The following VWA8 variants were observed in gnomAD, a reference collection of about 807,000 sequenced individuals.
The protein encoded by VWA8 is von Willebrand factor A domain-containing protein 8.
A neutral mutation model predicts 241.5 loss-of-function variants in VWA8; 221 were observed. That is an observed-to-expected ratio of 0.91 (90% CI 0.82 to 1.02). The LOEUF is 1.02. Ranked by LOEUF, VWA8 falls within the 50% of genes least tolerant of loss-of-function variation. The pLI, the probability that VWA8 is intolerant of heterozygous loss-of-function variation, is 0.00. For missense variants in VWA8, 2,322 were observed against 2,328.7 expected (o/e 1.00, Z 0.06); for synonymous variants, 852 against 827.1 (o/e 1.03, Z -0.52).
intron 37 of VWA8, among the ~76,000 whole-genome samples, chr13:41,665,611 T>C (rs34041830): frequency 0.017 from 2,587 of 151,902 alleles, 21 homozygotes; most frequent in South Asian, 0.047. Context: ...AGTGTATACC[T>C]AACGAGCTCA....
In VWA8 at chr13:41,742,151, G is replaced by A. The variant is rs146514840; in HGVS notation, c.2427-9996C>T. ...GTACAGTCCTCGTTGCCATTTTGGA[G>A]TCTGACTTTCATTTCATGGAAAATA... is the stretch of plus-strand genomic sequence containing the variant. On this transcript the variant is annotated intron_variant, in intron 21 of 44. Coordinates refer to ENST00000379310, the MANE Select transcript of VWA8 (RefSeq NM_015058.2). 6.2e-4 allele frequency among the ~76,000 whole-genome samples: 95 copies of A among 152,280 alleles called. No individual in the cohort carries two copies. The Middle Eastern group carries it at 0.01, about 16-fold the overall frequency.
intron 2 of VWA8, among the ~76,000 whole-genome samples, chr13:41,920,086 T>A (rs1334388605): frequency 6.6e-6 from 1 of 152,182 alleles, no homozygotes; most frequent in East Asian, 1.9e-4. Flanking sequence ...CCTTGCCATT[T>A]CTGGGTTCTT....
intron 9 of VWA8, among the ~76,000 whole-genome samples, chr13:41,868,785 G>A (rs979321457): frequency 6.0e-5 from 9 of 150,760 alleles, no homozygotes; most frequent in Non-Finnish European, 2.9e-5. Context: ...CTACTCGGGA[G>A]GCTGAGGCAA....
rs747976013 is a variant in VWA8 at position 41,729,535 on chromosome 13, TACTC to T, written c.2638+3_2638+6del. 26 of 1,606,812 alleles carry T rather than the reference TACTC, an allele frequency of 1.6e-5. No homozygotes were observed. The highest frequency in any genetic ancestry group is 2.2e-5 in the East Asian group (1 of 44,690). ...TTAAAGGAAACATTGCTTTCTAAAA[TACTC>T]ACTTGCAACAATGCGTCTTCCATCT... is the stretch of plus-strand genomic sequence containing the variant. On this transcript the variant is annotated splice_donor_5th_base_variant and intron_variant, in intron 23 of 44. Coordinates refer to ENST00000379310, the MANE Select transcript of VWA8 (RefSeq NM_015058.2).
At chr13:41,899,509 A>G (rs1466213364) in intron 4 of VWA8, among the ~76,000 whole-genome samples, 2 of 152,224 alleles carry the variant, frequency 1.3e-5, no homozygotes, top group Non-Finnish European at 2.9e-5. Flanking sequence ...AAAAGGAGAA[A>G]ATCTTGAGAA....
At chr13:41,678,710 C>A (rs552289853) in intron 35 of VWA8, among the ~76,000 whole-genome samples, 2 of 152,020 alleles carry the variant, frequency 1.3e-5, no homozygotes, top group Admixed American at 1.3e-4. Flanking sequence ...TCTTTCTTTT[C>A]TTTTACTTTG....
At chr13:41,770,170 G>T (rs989039826) in intron 20 of VWA8, among the ~76,000 whole-genome samples, 1 of 151,988 alleles carries the variant, frequency 6.6e-6, no homozygotes, top group East Asian at 1.9e-4. Context: ...GTTTGAGGCC[G>T]GGCGCGGTGG....
intron 4 of VWA8, among the ~76,000 whole-genome samples, chr13:41,895,533 C>T (rs1240029132): frequency 2.0e-5 from 3 of 152,154 alleles, no homozygotes; most frequent in African/African-American, 7.2e-5. Flanking sequence ...TACAGCAGTG[C>T]AATCTGCCTC....
intron 2 of VWA8, among the ~76,000 whole-genome samples, chr13:41,919,438 C>T (rs566810369): frequency 6.6e-6 from 1 of 152,304 alleles, no homozygotes; most frequent in African/African-American, 2.4e-5. Flanking sequence ...TGCCTTACCC[C>T]AGTCCCCTGC....
chr13:41,842,571 A>G (rs1872107131), intron 12 of VWA8, among the ~76,000 whole-genome samples: 1 of 152,246 alleles, frequency 6.6e-6, no homozygotes, highest in Non-Finnish European at 1.5e-5. Context: ...CTATGAACAC[A>G]GAATAAATTT....
chr13:41,747,941 G>A (rs1243315455), intron 21 of VWA8, among the ~76,000 whole-genome samples: 9 of 152,226 alleles, frequency 5.9e-5, no homozygotes, highest in African/African-American at 2.2e-4. Context: ...CATTCCAGGG[G>A]TGAAGCCCAC....
chr13:41,671,716 ATGTGGTCTCTGCC>A (rs2045025729), intron 36 of VWA8, among the ~76,000 whole-genome samples: 1 of 152,066 alleles, frequency 6.6e-6, no homozygotes, highest in Non-Finnish European at 1.5e-5. Flanking sequence ...TTGCACTTGC[ATGTGGTCTCTGCC>A]TGTTTCCCTT....
intron 2 of VWA8, among the ~76,000 whole-genome samples, chr13:41,923,180 C>T (rs910670522): frequency 6.6e-6 from 1 of 152,180 alleles, no homozygotes; most frequent in Non-Finnish European, 1.5e-5. Flanking sequence ...CAAACTACCA[C>T]AAGGACAGAA....
chr13:41,641,180 T>C (rs1053923285), intron 37 of VWA8, among the ~76,000 whole-genome samples: 1 of 152,154 alleles, frequency 6.6e-6, no homozygotes, highest in African/African-American at 2.4e-5. Context: ...AGGATAGTTA[T>C]GTTGTCTGTG....
intron 37 of VWA8, among the ~76,000 whole-genome samples, chr13:41,661,454 C>T (rs991236625): frequency 4.6e-5 from 7 of 152,148 alleles, no homozygotes; most frequent in South Asian, 2.1e-4. Context: ...CATTGTAGAA[C>T]TACTAACTCT....
At chr13:41,598,672 A>G (rs1219411098) in intron 40 of VWA8, among the ~76,000 whole-genome samples, 1 of 152,074 alleles carries the variant, frequency 6.6e-6, no homozygotes, top group Admixed American at 6.6e-5. Flanking sequence ...TTGGCTGTGC[A>G]CAGAATTCTT....
intron 2 of VWA8, among the ~76,000 whole-genome samples, chr13:41,919,404 C>A (rs540230626): frequency 2.8e-4 from 42 of 152,176 alleles, no homozygotes; most frequent in Admixed American, 4.6e-4. Flanking sequence ...TTCTGTGCTA[C>A]TCCCAGAGAA....
chr13:41,887,075 A>G (rs1359167886), intron 6 of VWA8, 122 bp downstream of exon 6: 13 of 1,185,666 alleles, frequency 1.1e-5, no homozygotes, highest in Non-Finnish European at 1.5e-5. Flanking sequence ...CTTTATTCTC[A>G]TATCTTTCCA....
chr13:41,929,774 T>C (rs1355755930), intron 2 of VWA8, among the ~76,000 whole-genome samples: 2 of 152,170 alleles, frequency 1.3e-5, no homozygotes, highest in African/African-American at 4.8e-5. Flanking sequence ...ATGTAAGACC[T>C]GAAATATAAA....
Sources: allele counts gnomAD v4.1 joint callset (sites outside exome capture counted in the v4.1 genomes callset), GRCh38; gene constraint gnomAD v4.1.1; transcripts MANE v1.5; gene names NCBI Gene and HGNC (gene_info 2026-07-23, HGNC 2026-07-21).